NLGN1: variants seen among roughly 807,000 people sequenced by gnomAD.
NLGN1 encodes the protein neuroligin 1, also known as neuroligin-1.
Under a neutral mutation model 65.5 loss-of-function variants are expected in NLGN1, and 12 were observed. The observed-to-expected ratio is 0.18, with a 90% confidence interval of 0.12 to 0.30. The LOEUF (loss-of-function observed/expected upper bound fraction) is 0.30, where lower values mean the gene tolerates loss of function less well. Among genes scored for constraint, NLGN1 ranks in the 10% least tolerant of loss-of-function variants. The pLI, the probability that NLGN1 is intolerant of heterozygous loss-of-function variation, is 1.00. For synonymous variants in NLGN1, 350 were observed against 359.5 expected, an observed-to-expected ratio of 0.97 and a Z score of 0.30; for missense variants, 750 against 1,007.1, an observed-to-expected ratio of 0.74 and a Z score of 3.46.
At chr3:173,947,769 A>C (rs1441150322) in intron 4 of NLGN1, among the ~76,000 whole-genome samples, 1 of 152,208 alleles carries the variant, frequency 6.6e-6, no homozygotes, top group African/African-American at 2.4e-5. Context: ...AAGTAGTATA[A>C]TTATTATTGA....
chr3:174,048,052 T>C (rs1005214872), intron 4 of NLGN1, among the ~76,000 whole-genome samples: 19 of 152,188 alleles, frequency 1.2e-4, no homozygotes, highest in African/African-American at 4.3e-4. Context: ...ATAGAGCAGT[T>C]GCACAGGAGG....
intron 4 of NLGN1, among the ~76,000 whole-genome samples, chr3:174,160,582 G>A (rs1413423322): frequency 6.6e-6 from 1 of 151,108 alleles, no homozygotes; most frequent in Non-Finnish European, 1.5e-5. Flanking sequence ...TATTTTGTAA[G>A]AGATGACTGC....
At chr3:173,977,720 G>A (rs1221738171) in intron 4 of NLGN1, among the ~76,000 whole-genome samples, 1 of 151,980 alleles carries the variant, frequency 6.6e-6, no homozygotes, top group Non-Finnish European at 1.5e-5. Context: ...TTTGGACCAT[G>A]TTAAGTTGGA....
chr3:173,484,554 T>G (rs1462877245), intron 2 of NLGN1, among the ~76,000 whole-genome samples: 1 of 151,778 alleles, frequency 6.6e-6, no homozygotes, highest in African/African-American at 2.4e-5. Flanking sequence ...CTTAGAATCT[T>G]AATAAGCAAA....
At chr3:173,686,350 T>C (rs1315958434) in intron 3 of NLGN1, among the ~76,000 whole-genome samples, 2 of 152,084 alleles carry the variant, frequency 1.3e-5, no homozygotes, top group African/African-American at 2.4e-5. Context: ...TTACTTCCTC[T>C]CTTTTTTTCA....
upstream of NLGN1, among the ~76,000 whole-genome samples, chr3:173,396,009 C>T (rs534959056): frequency 5.5e-4 from 84 of 152,004 alleles, 2 homozygotes; most frequent in African/African-American, 1.9e-3. Context: ...GAGAAGGTGG[C>T]AGTGTGTGTG....
At chr3:173,513,098 T>TA (rs1300680143) in intron 2 of NLGN1, among the ~76,000 whole-genome samples, 2 of 152,182 alleles carry the variant, frequency 1.3e-5, no homozygotes, top group Non-Finnish European at 2.9e-5. Flanking sequence ...CTAACTGCGT[T>TA]AGGCTCTGAT....
intron 2 of NLGN1, among the ~76,000 whole-genome samples, chr3:173,499,127 C>T (rs965467407): frequency 6.6e-6 from 1 of 151,502 alleles, no homozygotes; most frequent in East Asian, 1.9e-4. Flanking sequence ...GAAGTCCTTG[C>T]CCATGCCTAT....
chr3:174,200,875 A>G (rs977093698), intron 4 of NLGN1, among the ~76,000 whole-genome samples: 5 of 152,100 alleles, frequency 3.3e-5, no homozygotes, highest in African/African-American at 1.2e-4. Context: ...AATCACTGCT[A>G]ATCTTTTTCT....
intron 4 of NLGN1, among the ~76,000 whole-genome samples, chr3:174,102,142 A>G (rs927398692): frequency 7.9e-5 from 12 of 152,302 alleles, no homozygotes; most frequent in Admixed American, 6.5e-4. Context: ...TGTGGTTGCC[A>G]TTCTTTTCAC....
chr3:173,717,146 G>A (rs1769993943), intron 3 of NLGN1, among the ~76,000 whole-genome samples: 1 of 152,128 alleles, frequency 6.6e-6, no homozygotes, highest in Admixed American at 6.6e-5. Context: ...CAGCCAATTT[G>A]GTATGGTGAT....
chr3:173,433,615 T>C (rs980264207), intron 1 of NLGN1, among the ~76,000 whole-genome samples: 1 of 152,198 alleles, frequency 6.6e-6, no homozygotes, highest in African/African-American at 2.4e-5. Context: ...ATGGTGCATA[T>C]TTATTTTCTT....
At chr3:173,994,983 G>C (rs1315801009) in intron 4 of NLGN1, among the ~76,000 whole-genome samples, 1 of 152,194 alleles carries the variant, frequency 6.6e-6, no homozygotes, top group East Asian at 1.9e-4. Flanking sequence ...ATGGTTGTCA[G>C]TGTAAGTTTC....
At chr3:173,954,409 C>A (rs967003740) in intron 4 of NLGN1, among the ~76,000 whole-genome samples, 7 of 151,792 alleles carry the variant, frequency 4.6e-5, no homozygotes, top group African/African-American at 1.7e-4. Flanking sequence ...CATTGAAGTG[C>A]GTAGAAGTGT....
At chr3:173,588,925 T>C (rs900660120) in intron 2 of NLGN1, among the ~76,000 whole-genome samples, 1 of 152,228 alleles carries the variant, frequency 6.6e-6, no homozygotes. Context: ...TGGATGGGAC[T>C]AATGAGTTTT....
intron 4 of NLGN1, among the ~76,000 whole-genome samples, chr3:174,032,436 C>A (rs1560885027): frequency 6.6e-6 from 1 of 152,144 alleles, no homozygotes; most frequent in Non-Finnish European, 1.5e-5. Flanking sequence ...AGTTTGATAA[C>A]CATTGGTGTA....
intron 1 of NLGN1, among the ~76,000 whole-genome samples, chr3:173,416,795 C>T (rs572295256): frequency 9.9e-5 from 15 of 152,148 alleles, no homozygotes; most frequent in Non-Finnish European, 1.9e-4. Context: ...GGCCCAAGCA[C>T]AAAGATTTCA....
rs1406956914 is a variant in NLGN1 at position 173,884,105 on chromosome 3, G to T, written c.646+76273G>T. 2.7e-5 allele frequency among the ~76,000 whole-genome samples: 4 copies of T among 150,932 alleles called. No individual in the cohort carries two copies. In the East Asian group the frequency reaches 7.8e-4, roughly 29 times the overall value. ...AGCAACTAAATCATCTTAGGATGTT[G>T]TTTGGCCTTTATCGTGCTGACCCAA... On this transcript the variant is annotated intron_variant, in intron 4 of 6. Transcript: ENST00000457714.
At chr3:173,397,416 C>A (rs538108675), upstream of NLGN1, among the ~76,000 whole-genome samples, 1 of 152,008 alleles carries the variant, frequency 6.6e-6, no homozygotes, top group African/African-American at 2.4e-5. Context: ...GTGGGAACTT[C>A]CCCTCATTTC....
Sources: gnomAD v4.1 joint callset for allele counts (sites outside exome capture counted in the v4.1 genomes callset) on GRCh38, gnomAD v4.1.1 for gene constraint, MANE v1.5 for transcripts, NCBI Gene and HGNC (gene_info 2026-07-23, HGNC 2026-07-21) for gene names.